Variants in ALCAM observed in about 807,000 individuals in gnomAD.
ALCAM encodes the protein activated leukocyte cell adhesion molecule, also known as CD166 antigen.
ALCAM carries 30 observed loss-of-function variants against 70.9 expected under a neutral mutation model. The observed-to-expected ratio is 0.42, with a 90% confidence interval of 0.32 to 0.57. The LOEUF is 0.57. Ranked by LOEUF, ALCAM falls within the 20% of genes least tolerant of loss-of-function variation. The probability of loss-of-function intolerance (pLI) is 0.11; values close to 1 mark genes in which losing one functional copy is unlikely to be tolerated. For synonymous variants in ALCAM, 249 were observed against 242.5 expected, an observed-to-expected ratio of 1.03 and a Z score of -0.25; for missense variants, 591 against 695.1, an observed-to-expected ratio of 0.85 and a Z score of 1.68.
chr3:105,409,999 C>T (rs1936346760), intron 1 of ALCAM, among the ~76,000 whole-genome samples: 1 of 152,054 alleles, frequency 6.6e-6, no homozygotes, highest in Admixed American at 6.6e-5. Flanking sequence ...ACATTATTAT[C>T]ACCCATGATC....
chr3:105,571,475 A>T (rs1431309590), intron 14 of ALCAM, among the ~76,000 whole-genome samples: 5 of 152,228 alleles, frequency 3.3e-5, no homozygotes, highest in Admixed American at 3.3e-4. Context: ...GCCTTCATGA[A>T]ATGTCCTTAA....
rs546668713 is a variant in ALCAM at position 105,560,744 on chromosome 3, G to T, written c.1664+8159G>T. Among the ~76,000 whole-genome samples the T allele has an allele frequency of 3.8e-3, 577 of 152,224 alleles. 1 individual carries two copies. The highest frequency in any genetic ancestry group is 0.013 in the African/African-American group (557 of 41,538). On this transcript the variant is annotated intron_variant, in intron 14 of 15. Coordinates refer to ENST00000306107, the MANE Select transcript of ALCAM (RefSeq NM_001627.4). ...GGGATTTTGTTTGGTTTTTGGGTTT[G>T]CTGTATCTATTTATCAAGCCATTCC...
intron 1 of ALCAM, among the ~76,000 whole-genome samples, chr3:105,507,190 C>A (rs1246498434): frequency 1.3e-5 from 2 of 152,136 alleles, no homozygotes; most frequent in East Asian, 3.9e-4. Flanking sequence ...CTCCCCACCC[C>A]CTTGCCCCTA....
intron 1 of ALCAM, among the ~76,000 whole-genome samples, chr3:105,428,032 T>C (rs1188818978): frequency 2.6e-5 from 4 of 152,116 alleles, no homozygotes; most frequent in African/African-American, 9.6e-5. Context: ...ATGTTTAATT[T>C]ATTTTTTAAT....
chr3:105,494,585 C>T (rs560259652), intron 1 of ALCAM, among the ~76,000 whole-genome samples: 2 of 151,812 alleles, frequency 1.3e-5, no homozygotes, highest in African/African-American at 2.4e-5. Flanking sequence ...TTCTTTCTTG[C>T]TTTCTTTCCT....
In ALCAM at chr3:105,552,482, A is replaced by G. The variant is rs1293976317; in HGVS notation, c.1561A>G (p.Lys521Glu). Residue 521 changes from lysine to glutamate, a missense_variant, in exon 14 of 16, where the codon AAG (lysine) becomes GAG (glutamate). Transcript: ENST00000306107. ...ADEISDENRE[K>E]VNDQAKLIVG... is the part of the protein sequence containing the mutation. ...CTTTGTTGCAGATGAAAACAGAGAA[A>G]AGGTGAATGACCAGGCAAAACTAAT... The G allele has an allele frequency of 6.2e-7, 1 of 1,611,628 alleles. No homozygotes were observed. The highest frequency in any genetic ancestry group is 1.3e-5 in the African/African-American group (1 of 74,736).
chr3:105,399,595 G>C (rs1373031393), intron 1 of ALCAM, among the ~76,000 whole-genome samples: 3 of 152,052 alleles, frequency 2.0e-5, no homozygotes, highest in South Asian at 2.1e-4. Flanking sequence ...ATGAAAAAAA[G>C]TGAATGAAAT....
chr3:105,491,093 T>C (rs1449369028), intron 1 of ALCAM, among the ~76,000 whole-genome samples: 1 of 152,224 alleles, frequency 6.6e-6, no homozygotes, highest in Non-Finnish European at 1.5e-5. Flanking sequence ...TCTTGACTTC[T>C]GTGCACCTGC....
chr3:105,522,236 G>A lies in ALCAM; in HGVS notation c.175-2053G>A, dbSNP rs531635477. ...ATTTTTAGTTCAGCAAAAGTCTTCA[G>A]CAATAAACTGAAATATATTTGAGGC... On this transcript the variant is annotated intron_variant, in intron 2 of 15. Coordinates refer to ENST00000306107, the MANE Select transcript of ALCAM (RefSeq NM_001627.4). 1.6e-4 allele frequency among the ~76,000 whole-genome samples: 24 copies of A among 152,226 alleles called. No individual in the cohort carries two copies. The South Asian group carries it at 3.9e-3, about 25-fold the overall frequency.
chr3:105,525,760 C>G (rs1003462479), intron 3 of ALCAM, among the ~76,000 whole-genome samples: 1 of 152,150 alleles, frequency 6.6e-6, no homozygotes, highest in Admixed American at 6.5e-5. Context: ...CCTTTGTTCC[C>G]TAGAAGAACC....
At chr3:105,455,976 G>A (rs1489119300) in intron 1 of ALCAM, among the ~76,000 whole-genome samples, 3 of 152,172 alleles carry the variant, frequency 2.0e-5, no homozygotes, top group Non-Finnish European at 4.4e-5. Context: ...CTACTCGGGA[G>A]GCTGAAGCAT....
chr3:105,424,426 G>A (rs937978211), intron 1 of ALCAM, among the ~76,000 whole-genome samples: 3 of 151,608 alleles, frequency 2.0e-5, no homozygotes, highest in Non-Finnish European at 4.4e-5. Context: ...ATTGATGACA[G>A]GACATTTCAG....
chr3:105,368,756 G>C (rs937727538), intron 1 of ALCAM, among the ~76,000 whole-genome samples: 2 of 152,086 alleles, frequency 1.3e-5, no homozygotes, highest in Non-Finnish European at 2.9e-5. Flanking sequence ...TGCTGCCGTT[G>C]CTGTGTGTGT....
At chr3:105,566,094 C>A (rs1168000791) in intron 14 of ALCAM, among the ~76,000 whole-genome samples, 1 of 152,124 alleles carries the variant, frequency 6.6e-6, no homozygotes, top group African/African-American at 2.4e-5. Flanking sequence ...AATACTTGTT[C>A]TTTTATTCTT....
chr3:105,458,094 A>AAC (rs3996194), intron 1 of ALCAM, among the ~76,000 whole-genome samples: 3 of 151,636 alleles, frequency 2.0e-5, no homozygotes, highest in East Asian at 3.9e-4. Context: ...AAAAAAAAAA[A>AAC]CCAGCTTTAT....
intron 1 of ALCAM, among the ~76,000 whole-genome samples, chr3:105,464,742 G>C (rs762381624): frequency 9.9e-5 from 15 of 151,416 alleles, no homozygotes; most frequent in Non-Finnish European, 1.8e-4. Flanking sequence ...TAGTTGACAA[G>C]AGATGAATGT....
intron 14 of ALCAM, among the ~76,000 whole-genome samples, chr3:105,559,225 A>T (rs13066546): frequency 0.073 from 10,727 of 147,902 alleles, 480 homozygotes; most frequent in African/African-American, 0.11. Flanking sequence ...ACATATATAC[A>T]TGTATACATG....
chr3:105,444,648 T>C (rs971405031), intron 1 of ALCAM, among the ~76,000 whole-genome samples: 2 of 152,178 alleles, frequency 1.3e-5, no homozygotes, highest in African/African-American at 4.8e-5. Flanking sequence ...ATACCATGAC[T>C]TCTGAATCAG....
rs181628923 is a variant in ALCAM at position 105,564,140 on chromosome 3, T to C, written c.1665-7712T>C. On this transcript the variant is annotated intron_variant, in intron 14 of 15. Coordinates refer to ENST00000306107, the MANE Select transcript of ALCAM (RefSeq NM_001627.4). ...AAAAAAAAAACTTGTTGGGGGCTTA[T>C]GGGTGTAGTGTTGTATAATTGTCAT... Among the ~76,000 whole-genome samples the C allele has an allele frequency of 1.2e-4, 19 of 152,282 alleles. No individual in the cohort carries two copies. In the East Asian group the frequency reaches 3.1e-3, roughly 25 times the overall value.
Sources: allele counts gnomAD v4.1 joint callset (sites outside exome capture counted in the v4.1 genomes callset), GRCh38; gene constraint gnomAD v4.1.1; transcripts MANE v1.5; gene names NCBI Gene and HGNC (gene_info 2026-07-23, HGNC 2026-07-21).